Variants in PLAC1 observed in about 807,000 individuals in gnomAD.
PLAC1 encodes the protein placenta-specific protein 1.
For missense variants in PLAC1, 136 were observed against 163.2 expected (o/e 0.83, Z 0.91); for synonymous variants, 68 against 62.1 (o/e 1.09, Z -0.44).
rs368167398 is a variant in PLAC1 at position 134,590,556 on chromosome X, G to C, written c.-59+11495C>G. Among the ~76,000 whole-genome samples, 60 of 111,987 alleles carry C rather than the reference G, an allele frequency of 5.4e-4. No homozygotes were observed. The South Asian group carries it at 0.022, about 41-fold the overall frequency. On this transcript the variant is annotated intron_variant, in intron 2 of 2. Coordinates refer to ENST00000359237, the MANE Select transcript of PLAC1 (RefSeq NM_021796.4). The stretch of plus-strand genomic sequence containing the variant: ...GGTTATATGCAAGTGTTATAATAAA[G>C]AATGCATAACAGAGGGATCTAACCT...
intron 1 of PLAC1, among the ~76,000 whole-genome samples, chrX:134,751,974 A>G (rs953224361): frequency 8.9e-6 from 1 of 112,237 alleles, no homozygotes; most frequent in African/African-American, 3.2e-5. Context: ...CAACCCAGTT[A>G]ATTCCTATGT....
chrX:134,692,566 G>A (rs769443740), intron 2 of PLAC1, among the ~76,000 whole-genome samples: 28 of 112,029 alleles, frequency 2.5e-4, no homozygotes, highest in Non-Finnish European at 3.4e-4. Flanking sequence ...GGGGCTTCAG[G>A]AATGAGCCTA....
intron 1 of PLAC1, among the ~76,000 whole-genome samples, chrX:134,743,245 C>G (rs769300410): frequency 1.8e-5 from 2 of 112,617 alleles, no homozygotes; most frequent in South Asian, 7.4e-4. Flanking sequence ...GAAACCTTGA[C>G]TCTAACATAT....
At chrX:134,698,971 C>T (rs2078573856) in intron 2 of PLAC1, among the ~76,000 whole-genome samples, 1 of 111,410 alleles carries the variant, frequency 9.0e-6, no homozygotes, top group African/African-American at 3.3e-5. Flanking sequence ...TCCTCTTTTC[C>T]TTACCCTCAG....
At chrX:134,644,263 G>T (rs963918845) in intron 1 of PLAC1, among the ~76,000 whole-genome samples, 4 of 110,966 alleles carry the variant, frequency 3.6e-5, no homozygotes, top group Admixed American at 2.9e-4. Flanking sequence ...CAAAAAATGA[G>T]GTCTGTGTCT....
In PLAC1 at chrX:134,566,003, A is replaced by G; in HGVS notation, c.*41T>C. 8.9e-7 allele frequency: 1 copy of G among 1,120,944 alleles called. No individual in the cohort carries two copies. Among genetic ancestry groups the G allele is most frequent in the Non-Finnish European group, 1.2e-6 (1 of 820,764 alleles). 92.4% of individuals were successfully genotyped at this position (1,120,944 alleles called of 1,213,427 possible). A position where few individuals can be genotyped will look rare whatever the true frequency, so the allele number is the denominator to read the frequency against. On this transcript the variant is annotated 3_prime_UTR_variant, in exon 3 of 3. Coordinates refer to ENST00000359237, the MANE Select transcript of PLAC1 (RefSeq NM_021796.4). ...TCAGACATTTGTACACTATATACTAATTCTAGAAATAGCATCTTCAGGAGA... is the reference window on the plus strand; with the variant it reads ...TCAGACATTTGTACACTATATACTAGTTCTAGAAATAGCATCTTCAGGAGA...
At position 134,750,836 on chromosome X, in the gene PLAC1, T is replaced by A. The variant is rs1327513846; in HGVS notation, n.89+13398A>T. 9.2e-4 allele frequency among the ~76,000 whole-genome samples: 28 copies of A among 30,404 alleles called. 3 individuals are homozygous for A. The highest frequency in any genetic ancestry group is 7.0e-3 in the African/African-American group (28 of 3,996). The allele number at this position is 30,404 out of a possible 115,157, so 26.4% of individuals were successfully genotyped here. ...AAATATATATATATATATATATATT[T>A]ATATATATATTTATATATATATATT... is the stretch of plus-strand genomic sequence containing the variant. On this transcript the variant is annotated intron_variant and non_coding_transcript_variant, in intron 1 of 2. Coordinates refer to the PLAC1 transcript ENST00000466797.
At chrX:134,574,090 T>A (rs866465395) in intron 2 of PLAC1, among the ~76,000 whole-genome samples, 58 of 104,327 alleles carry the variant, frequency 5.6e-4, no homozygotes, top group South Asian at 1.7e-3. Flanking sequence ...TCTCTCTCTC[T>A]CACACACACA....
intron 1 of PLAC1, among the ~76,000 whole-genome samples, chrX:134,653,280 T>C (rs2078373084): frequency 1.8e-5 from 2 of 112,104 alleles, no homozygotes; most frequent in Non-Finnish European, 1.9e-5. Context: ...TTCCCTCTCC[T>C]AACCACCTGC....
chrX:134,681,788 C>A (rs778307065), intron 2 of PLAC1, among the ~76,000 whole-genome samples: 1 of 111,587 alleles, frequency 9.0e-6, no homozygotes, highest in African/African-American at 3.3e-5. Flanking sequence ...ATCATCATCA[C>A]CAACATCATT....
At chrX:134,588,110 G>A (rs1330895453) in intron 2 of PLAC1, among the ~76,000 whole-genome samples, 6 of 110,756 alleles carry the variant, frequency 5.4e-5, no homozygotes, top group Non-Finnish European at 1.1e-4. Flanking sequence ...TATACAAAGA[G>A]GATGCATATA....
upstream of PLAC1, among the ~76,000 whole-genome samples, chrX:134,663,013 A>G (rs769114622): frequency 1.8e-5 from 2 of 112,588 alleles, no homozygotes; most frequent in African/African-American, 3.2e-5. Context: ...AGGCTTAAGA[A>G]AGATGGAGGA....
Position 134,602,996 on chromosome X carries a change from G to A in PLAC1, c.-130-874C>T, listed in dbSNP as rs770189100. ...ATTTTTAAAAATCTCATAAAATATT[G>A]CTATCAACCATGGGGAGGCAGAAGA... On this transcript the variant is annotated intron_variant, in intron 1 of 2. Coordinates refer to ENST00000359237, the MANE Select transcript of PLAC1 (RefSeq NM_021796.4). 4.9e-4 allele frequency among the ~76,000 whole-genome samples: 52 copies of A among 106,568 alleles called. 1 individual carries two copies. Among genetic ancestry groups the A allele is most frequent in the Middle Eastern group, 4.8e-3 (1 of 209 alleles). The allele number at this position is 106,568 out of a possible 115,157, so 92.5% of individuals were successfully genotyped here.
intron 2 of PLAC1, among the ~76,000 whole-genome samples, chrX:134,578,305 T>C (rs780504519): frequency 2.9e-5 from 3 of 103,607 alleles, no homozygotes; most frequent in South Asian, 4.4e-4. Flanking sequence ...CCCAGCTACT[T>C]GGGAGGCTGA....
upstream of PLAC1, among the ~76,000 whole-genome samples, chrX:134,660,413 G>T (rs1330232367): frequency 8.9e-6 from 1 of 112,033 alleles, no homozygotes; most frequent in Non-Finnish European, 1.9e-5. Context: ...GCCGAAAGAG[G>T]TTTTAAAAAG....
upstream of PLAC1, among the ~76,000 whole-genome samples, chrX:134,658,758 A>C (rs141308662): frequency 2.2e-3 from 245 of 111,894 alleles, 1 homozygote; most frequent in African/African-American, 7.6e-3. Context: ...GGCGGGGAGG[A>C]GGGTTACAAC....
intron 2 of PLAC1, among the ~76,000 whole-genome samples, chrX:134,711,659 G>C (rs1211951325): frequency 8.9e-6 from 1 of 112,139 alleles, no homozygotes; most frequent in Non-Finnish European, 1.9e-5. Flanking sequence ...TTACATGGAG[G>C]AGAAACTGGA....
intron 1 of PLAC1, among the ~76,000 whole-genome samples, chrX:134,762,928 T>G (rs2078774069): frequency 9.7e-6 from 1 of 102,584 alleles, no homozygotes; most frequent in Non-Finnish European, 2.0e-5. Flanking sequence ...GAAGGGGGAG[T>G]ATTTTTTTAC....
intron 1 of PLAC1, among the ~76,000 whole-genome samples, chrX:134,655,393 C>G (rs1400960571): frequency 9.1e-6 from 1 of 110,208 alleles, no homozygotes; most frequent in African/African-American, 3.3e-5. Flanking sequence ...GGCATCATAA[C>G]ACATTCCCAC....
Sources: gnomAD v4.1 joint callset for allele counts (sites outside exome capture counted in the v4.1 genomes callset) on GRCh38, gnomAD v4.1.1 for gene constraint, MANE v1.5 for transcripts, NCBI Gene and HGNC (gene_info 2026-07-23, HGNC 2026-07-21) for gene names.